Variants in SHLD2 observed in about 807,000 individuals in gnomAD.
SHLD2 encodes RINN1-REV7-interacting novel NHEJ regulator 2.
A neutral mutation model predicts 73.2 loss-of-function variants in SHLD2; 30 were observed. That is an observed-to-expected ratio of 0.41 (90% CI 0.31 to 0.56). SHLD2 has a LOEUF of 0.56. Ranked by LOEUF, SHLD2 falls within the 20% of genes least tolerant of loss-of-function variation. The pLI is 0.28. For missense variants in SHLD2, 745 were observed against 1,055.9 expected, an observed-to-expected ratio of 0.71 and a Z score of 4.08; for synonymous variants, 285 against 370.1, an observed-to-expected ratio of 0.77 and a Z score of 2.64.
intron 2 of SHLD2, among the ~76,000 whole-genome samples, chr10:87,121,268 G>C (rs1479988887): frequency 6.6e-6 from 1 of 151,974 alleles, no homozygotes; most frequent in Non-Finnish European, 1.5e-5. Context: ...GGGAGTAGAG[G>C]TGTGCTCCAC....
At chr10:87,119,695 T>G (rs1283120015) in intron 2 of SHLD2, among the ~76,000 whole-genome samples, 1 of 151,962 alleles carries the variant, frequency 6.6e-6, no homozygotes, top group Non-Finnish European at 1.5e-5. Flanking sequence ...GGAGAATCAC[T>G]TGAACCCGGG....
At chr10:87,188,995 A>T (rs1589686680) in intron 9 of SHLD2, among the ~76,000 whole-genome samples, 5 of 129,066 alleles carry the variant, frequency 3.9e-5, no homozygotes, top group Admixed American at 8.5e-5. Flanking sequence ...TTTCAGTGTA[A>T]TCTCTTCTTT....
At chr10:87,175,820 A>G in intron 6 of SHLD2, 69 bp from the exon 7 acceptor site, 2 of 1,445,922 alleles carry the variant, frequency 1.4e-6, no homozygotes, top group East Asian at 2.5e-5. Flanking sequence ...AGATCAATCT[A>G]TTTAATCTGA....
At chr10:87,163,819 G>T (rs1846992605) in intron 4 of SHLD2, among the ~76,000 whole-genome samples, 1 of 150,818 alleles carries the variant, frequency 6.6e-6, no homozygotes, top group Non-Finnish European at 1.5e-5. Context: ...TATATGGGTG[G>T]GATAGTACAC....
intron 2 of SHLD2, among the ~76,000 whole-genome samples, chr10:87,147,579 C>A (rs1368499147): frequency 6.6e-6 from 1 of 152,050 alleles, no homozygotes; most frequent in East Asian, 1.9e-4. Flanking sequence ...GTCGTATACA[C>A]CTTTTAAACA....
At chr10:87,096,790 G>A (rs1189379033) in intron 1 of SHLD2, 144 bp from the exon 2 acceptor site, 3 of 152,130 alleles carry the variant, frequency 2.0e-5, no homozygotes, top group Non-Finnish European at 4.4e-5. Flanking sequence ...AAAATATAAG[G>A]TGACAACCTG....
rs189546654 is a variant in SHLD2, at chr10:87,127,906, A to T, written c.-5-23444A>T. 2.6e-4 allele frequency among the ~76,000 whole-genome samples: 40 copies of T among 152,158 alleles called. No individual in the cohort carries two copies. In the East Asian group the frequency reaches 7.4e-3, roughly 28 times the overall value. ...TTTGGCTGGAGTTATGATGTCGTGC[A>T]AGTAATGTTCCTTCTTTTTCCCTCT... On this transcript the variant is annotated intron_variant, in intron 2 of 9. Coordinates refer to ENST00000298786, the MANE Select transcript of SHLD2 (RefSeq NM_001330112.2).
At chr10:87,144,829 T>C (rs1006861024) in intron 2 of SHLD2, among the ~76,000 whole-genome samples, 17 of 151,116 alleles carry the variant, frequency 1.1e-4, no homozygotes, top group African/African-American at 3.4e-4. Context: ...GGTTTCACCA[T>C]GTTAGCCAGG....
At chr10:87,098,101 A>G (rs1394160189) in intron 2 of SHLD2, among the ~76,000 whole-genome samples, 2 of 152,226 alleles carry the variant, frequency 1.3e-5, no homozygotes, top group East Asian at 1.9e-4. Context: ...TTAAAAAAAT[A>G]TGAACAGCAG....
At chr10:87,127,538 C>T (rs1322408516) in intron 2 of SHLD2, among the ~76,000 whole-genome samples, 2 of 62,968 alleles carry the variant, frequency 3.2e-5, no homozygotes, top group South Asian at 4.6e-4. Flanking sequence ...CGCCCCCCCC[C>T]ACCCCGTCTG....
rs11202365 is a variant in SHLD2 at position 87,170,492 on chromosome 10, A to T, written c.1648A>T (p.Ser550Cys). 568,399 of 1,583,028 alleles carry T rather than the reference A, an allele frequency of 0.36. 105,303 individuals carry two copies. The highest frequency in any genetic ancestry group is 0.42 in the South Asian group (36,201 of 85,200). ...TTTTCCCTTAGATTCCAGTGTAGTT[A>T]GTGAAGTTGTACTTCAAGACTTACT... ...IQPEEYSSVV[S>C]EVVLQDLLAY... is the part of the protein sequence containing the mutation. The change falls in exon 5 of 10, where the codon AGT (serine) becomes TGT (cysteine). Residue 550 changes from serine (S) to cysteine (C), a missense_variant. Physicochemically the swap from Ser to Cys is moderately radical, Grantham distance 112 (BLOSUM62 -1). Coordinates refer to ENST00000298786, the MANE Select transcript of SHLD2 (RefSeq NM_001330112.2).
chr10:87,165,297 T>G (rs1354078362), intron 4 of SHLD2, among the ~76,000 whole-genome samples: 1 of 151,998 alleles, frequency 6.6e-6, no homozygotes, highest in Admixed American at 6.5e-5. Context: ...CTAAAATTAG[T>G]AGGTGAAAGT....
Position 87,151,743 on chromosome 10 carries a change from C to T in SHLD2, c.389C>T (p.Pro130Leu), listed in dbSNP as rs140993693. 1.4e-5 allele frequency: 23 copies of T among 1,611,858 alleles called. No homozygotes were observed. Among genetic ancestry groups the T allele is most frequent in the Non-Finnish European group, 1.8e-5 (21 of 1,179,838 alleles). Residue 130 changes from proline (P) to leucine (L), a missense_variant, in exon 3 of 10, where the codon CCG (proline) becomes CTG (leucine). Around this residue, in one of 5 missense-constraint regions of SHLD2, gnomAD observed 280 missense variants for 353.9 expected, o/e 0.79. Transcript: ENST00000298786. ...MQICGFKSTV[P>L]HFTEEEKYQK... is the part of the protein sequence containing the mutation. ...ATATGTGGATTTAAAAGCACAGTTC[C>T]GCATTTCACCGAAGAAGAAAAGTAT...
At chr10:87,094,624 G>C, upstream of SHLD2, 1 of 1,609,886 alleles carries the variant, frequency 6.2e-7, no homozygotes, top group Non-Finnish European at 8.5e-7. The surrounding 1 kb of genome is among the most constrained non-coding windows in gnomAD (Gnocchi z 6.6). Context: ...GTGGCGCCGG[G>C]CGGCCAATGC....
intron 2 of SHLD2, among the ~76,000 whole-genome samples, chr10:87,119,266 C>G (rs1843440448): frequency 6.6e-6 from 1 of 151,936 alleles, no homozygotes; most frequent in Non-Finnish European, 1.5e-5. Context: ...CAAACATAGA[C>G]CTATTTATTG....
intron 2 of SHLD2, among the ~76,000 whole-genome samples, chr10:87,122,172 T>TAAAAAAAA (rs1843678488): frequency 5.9e-5 from 2 of 33,850 alleles, no homozygotes; most frequent in African/African-American, 3.9e-4. Flanking sequence ...CCACTGACTG[T>TAAAAAAAA]CAAAAAAAAA....
chr10:87,101,260 CTATACCCTTGTG>C (rs1360696240), intron 2 of SHLD2, among the ~76,000 whole-genome samples: 3 of 152,286 alleles, frequency 2.0e-5, no homozygotes, highest in African/African-American at 2.4e-5. Flanking sequence ...TACTTTGAGT[CTATACCCTTGTG>C]TATATTTGGC....
At chr10:87,125,843 C>T (rs1843967490) in intron 2 of SHLD2, among the ~76,000 whole-genome samples, 2 of 152,190 alleles carry the variant, frequency 1.3e-5, no homozygotes, top group Admixed American at 1.3e-4. Context: ...AGGAGAATCG[C>T]TTGAACCCGG....
upstream of SHLD2, chr10:87,094,702 G>T: frequency 6.7e-7 from 1 of 1,498,916 alleles, no homozygotes; most frequent in South Asian, 1.3e-5. This position sits in a 1 kb window ranked among gnomAD's most constrained non-coding sequence, Gnocchi z 6.6. Flanking sequence ...CGAGTCGGCG[G>T]ACGCCGAGCC....
Sources: allele counts gnomAD v4.1 joint callset (sites outside exome capture counted in the v4.1 genomes callset), GRCh38; gene constraint gnomAD v4.1.1; regional missense constraint gnomAD v4.1.1; non-coding constraint Gnocchi (gnomAD v3.1); transcripts MANE v1.5; gene names NCBI Gene and HGNC (gene_info 2026-07-23, HGNC 2026-07-21).